Variants in PIERCE2 observed in about 807,000 individuals in gnomAD.
PIERCE2 encodes the protein piercer of microtubule wall 2, also known as piercer of microtubule wall 2 protein.
chr15:55,416,366 C>T, the PIERCE2 span, among the ~76,000 whole-genome samples: 1 of 152,074 alleles, frequency 6.6e-6, no homozygotes, highest in African/African-American at 2.4e-5. Context: ...TCCCAAAGTG[C>T]TGGGATTTAC....
chr15:55,418,155 G>A, the PIERCE2 span: 2 of 1,567,000 alleles, frequency 1.3e-6, no homozygotes. Flanking sequence ...AAGTGGGTGG[G>A]ACTGAATTAA....
the PIERCE2 span, chr15:55,418,378 G>A: frequency 6.5e-7 from 1 of 1,536,060 alleles, no homozygotes; most frequent in South Asian, 1.2e-5. Context: ...AAATGATTAT[G>A]TATAAAACCA....
the PIERCE2 span, among the ~76,000 whole-genome samples, chr15:55,414,472 AT>A: frequency 1.3e-5 from 2 of 152,092 alleles, no homozygotes; most frequent in African/African-American, 2.4e-5. Flanking sequence ...CGGCCTAGAA[AT>A]GTTCTTATAT....
the PIERCE2 span, among the ~76,000 whole-genome samples, chr15:55,412,352 C>T: frequency 6.6e-6 from 1 of 152,048 alleles, no homozygotes; most frequent in South Asian, 2.1e-4. Context: ...TAAAGCAAAA[C>T]ATGAAAACAT....
chr15:55,418,499 A>G, the PIERCE2 span: 235 of 1,527,906 alleles, frequency 1.5e-4, 1 homozygote, highest in Middle Eastern at 3.7e-3. Flanking sequence ...ATTTTATCAA[A>G]ATAACACTCT....
chr15:55,409,330 G>A, the PIERCE2 span, among the ~76,000 whole-genome samples: 1 of 152,008 alleles, frequency 6.6e-6, no homozygotes, highest in East Asian at 1.9e-4. Flanking sequence ...GCTTGAACCT[G>A]GGAGGCAGAG....
At chr15:55,408,718 C>T in the PIERCE2 span, 2 of 1,392,298 alleles carry the variant, frequency 1.4e-6, no homozygotes, top group East Asian at 2.5e-5. Flanking sequence ...TTCTTGCCAT[C>T]TGCTGCATGA....
chr15:55,412,322 G>C, the PIERCE2 span, among the ~76,000 whole-genome samples: 2 of 151,862 alleles, frequency 1.3e-5, no homozygotes, highest in African/African-American at 4.8e-5. Context: ...GCCCTCTTTC[G>C]CTTATGATTC....
the PIERCE2 span, among the ~76,000 whole-genome samples, chr15:55,412,581 A>C: frequency 6.6e-6 from 1 of 152,328 alleles, no homozygotes; most frequent in African/African-American, 2.4e-5. Context: ...CAAAAACTTT[A>C]GTAGGGACAC....
chr15:55,408,948 T>G, the PIERCE2 span, among the ~76,000 whole-genome samples: 1 of 152,282 alleles, frequency 6.6e-6, no homozygotes, highest in South Asian at 2.1e-4. Flanking sequence ...CACGTTTCCT[T>G]AAGTCCGAAT....
chr15:55,408,771 G>T, the PIERCE2 span: 26 of 1,526,110 alleles, frequency 1.7e-5, no homozygotes, highest in African/African-American at 3.0e-4. Context: ...GAGCGAAAAT[G>T]ACAGACCGCA....
At chr15:55,411,822 G>A in the PIERCE2 span, among the ~76,000 whole-genome samples, 1 of 152,120 alleles carries the variant, frequency 6.6e-6, no homozygotes, top group South Asian at 2.1e-4. Flanking sequence ...TCGGGAGTCT[G>A]AGGCAGGAGA....
chr15:55,411,578 G>A, the PIERCE2 span, among the ~76,000 whole-genome samples: 1 of 151,972 alleles, frequency 6.6e-6, no homozygotes, highest in Non-Finnish European at 1.5e-5. Context: ...TTGAGGTCAG[G>A]AGTCCAAAAC....
the PIERCE2 span, among the ~76,000 whole-genome samples, chr15:55,416,107 G>T: frequency 0.26 from 38,466 of 146,192 alleles, 4,968 homozygotes; most frequent in East Asian, 0.31. Flanking sequence ...TATATATATA[G>T]AGAGAGAGAG....
At chr15:55,409,087 G>GTCAAGA in the PIERCE2 span, among the ~76,000 whole-genome samples, 1 of 152,164 alleles carries the variant, frequency 6.6e-6, no homozygotes, top group African/African-American at 2.4e-5. Flanking sequence ...ATTGCACTGT[G>GTCAAGA]TCAAAGAAGG....
At chr15:55,418,455 A>G in the PIERCE2 span, 2 of 1,522,456 alleles carry the variant, frequency 1.3e-6, no homozygotes, top group South Asian at 1.2e-5. Context: ...ACTCCAAAGG[A>G]GCAAGTATTT....
At chr15:55,415,944 G>T in the PIERCE2 span, among the ~76,000 whole-genome samples, 2 of 152,026 alleles carry the variant, frequency 1.3e-5, no homozygotes, top group African/African-American at 4.8e-5. Flanking sequence ...ATCTAAATCA[G>T]TACACATTTC....
the PIERCE2 span, among the ~76,000 whole-genome samples, chr15:55,415,386 G>A: frequency 4.6e-5 from 7 of 151,628 alleles, no homozygotes; most frequent in African/African-American, 1.7e-4. Flanking sequence ...AACCTGGAAG[G>A]CGGAGGTTGC....
At chr15:55,417,191 A>T in the PIERCE2 span, among the ~76,000 whole-genome samples, 2 of 152,248 alleles carry the variant, frequency 1.3e-5, no homozygotes, top group Middle Eastern at 3.4e-3. Context: ...AAAGATTCAG[A>T]TTTTAAACAC....
Sources: gnomAD v4.1 joint callset for allele counts (sites outside exome capture counted in the v4.1 genomes callset) on GRCh38, gnomAD v4.1.1 for gene constraint, MANE v1.5 for transcripts, NCBI Gene and HGNC (gene_info 2026-07-23, HGNC 2026-07-21) for gene names.